JMY: variants seen among roughly 807,000 people sequenced by gnomAD.
The protein encoded by JMY is junction-mediating and -regulatory protein.
A neutral mutation model predicts 103.3 loss-of-function variants in JMY; 46 were observed. The ratio of observed to expected loss-of-function variants is 0.45; its 90% CI spans 0.35 to 0.57. The LOEUF (loss-of-function observed/expected upper bound fraction) is 0.57. JMY is among the 20% of genes least tolerant of loss of function. JMY has a pLI of 0.00. For synonymous variants in JMY, 526 were observed against 489.3 expected, an observed-to-expected ratio of 1.07 and a Z score of -0.99; for missense variants, 1,238 against 1,255.2, an observed-to-expected ratio of 0.99 and a Z score of 0.21.
At chr5:79,271,856 C>T (rs1745793801) in intron 1 of JMY, among the ~76,000 whole-genome samples, 1 of 152,096 alleles carries the variant, frequency 6.6e-6, no homozygotes, top group African/African-American at 2.4e-5. Flanking sequence ...GCCTGTAATC[C>T]TAAGTGCTTT....
At chr5:79,237,790 T>G in intron 1 of JMY, 108 bp downstream of exon 1, 1 of 1,002,088 alleles carries the variant, frequency 1.0e-6, no homozygotes, top group South Asian at 1.7e-5. Context: ...ACGGTTGTTT[T>G]TCTGGACAAG....
In JMY at chr5:79,284,854, A is replaced by T. The variant is rs193056967; in HGVS notation, c.1207-5267A>T. 1.2e-5 allele frequency: 19 copies of T among 1,567,220 alleles called. No homozygotes were observed. The African/African-American group carries it at 2.3e-4, about 19-fold the overall frequency. On this transcript the variant is annotated intron_variant, in intron 2 of 10. Transcript: ENST00000396137. Reference sequence around the variant, plus strand: ...CCAATCTTTCTTAGAAAATGGATCAACCACTTTCTTCTTGGCCCCCTTTTT... The same window carrying T: ...CCAATCTTTCTTAGAAAATGGATCATCCACTTTCTTCTTGGCCCCCTTTTT...
chr5:79,238,835 T>C (rs1030058330), intron 1 of JMY, among the ~76,000 whole-genome samples: 4 of 151,966 alleles, frequency 2.6e-5, no homozygotes, highest in African/African-American at 9.7e-5. Context: ...CGGCTACTTT[T>C]TGTGTTTTTA....
intron 1 of JMY, 147 bp downstream of exon 1, chr5:79,237,829 C>A: frequency 1.5e-6 from 1 of 665,696 alleles, no homozygotes; most frequent in Non-Finnish European, 2.5e-6. Context: ...CCTGATCTAC[C>A]TTGCCCTTCA....
chr5:79,262,119 C>A (rs566580319), intron 1 of JMY, among the ~76,000 whole-genome samples: 4 of 152,136 alleles, frequency 2.6e-5, no homozygotes, highest in Admixed American at 6.6e-5. Flanking sequence ...CTTCTGAAAC[C>A]CTTTGTGGTT....
At chr5:79,239,984 TTTA>T (rs1304487814) in intron 1 of JMY, among the ~76,000 whole-genome samples, 1 of 151,970 alleles carries the variant, frequency 6.6e-6, no homozygotes, top group East Asian at 1.9e-4. Context: ...ACCATAATGA[TTTA>T]TTTTCTTTAA....
In JMY at chr5:79,237,360, A is replaced by T; in HGVS notation, c.710A>T (p.Asp237Val). 1.2e-6 allele frequency: 2 copies of T among 1,612,160 alleles called. No individual in the cohort carries two copies. The highest frequency in any genetic ancestry group is 1.7e-6 in the Non-Finnish European group (2 of 1,179,486). ...CSWAGLFSFQDLRAVHQQLCS... is the reference protein window; with the variant it reads ...CSWAGLFSFQVLRAVHQQLCS... ...TGGGCCGGACTGTTTTCTTTCCAGG[A>T]CCTGCGCGCCGTGCACCAGCAGCTG... The change falls in exon 1 of 11, where the codon GAC becomes GTC. Residue 237 changes from aspartate to valine, a missense_variant. By Grantham distance (152) the Asp-to-Val change is radical. Transcript: ENST00000396137.
chr5:79,307,047 C>T (rs952188180), intron 7 of JMY, among the ~76,000 whole-genome samples: 29 of 152,264 alleles, frequency 1.9e-4, no homozygotes, highest in African/African-American at 6.3e-4. Flanking sequence ...AACATAGTAA[C>T]GTGCATTTAA....
At chr5:79,238,193 C>T (rs1372037846) in intron 1 of JMY, among the ~76,000 whole-genome samples, 1 of 152,138 alleles carries the variant, frequency 6.6e-6, no homozygotes, top group Admixed American at 6.5e-5. Flanking sequence ...TGAAAAAGCA[C>T]CTAGTGACTA....
At chr5:79,318,741 A>AATATATATAT (rs71830021) in intron 10 of JMY, among the ~76,000 whole-genome samples, 14 of 134,814 alleles carry the variant, frequency 1.0e-4, no homozygotes, top group East Asian at 2.2e-4. Context: ...TTTGTAAAGG[A>AATATATATAT]ATATATATAT....
chr5:79,300,115 A>G (rs1246018098), intron 4 of JMY, 38 bp from the exon 5 acceptor site: 1 of 1,595,894 alleles, frequency 6.3e-7, no homozygotes, highest in Admixed American at 1.7e-5. Flanking sequence ...TCTTGTCCCC[A>G]CCAGCTAGAA....
At chr5:79,243,773 A>G (rs1324152143) in intron 1 of JMY, among the ~76,000 whole-genome samples, 2 of 152,184 alleles carry the variant, frequency 1.3e-5, no homozygotes, top group African/African-American at 4.8e-5. Context: ...ATTTTCTTCA[A>G]TCCTGTACCC....
intron 3 of JMY, 102 bp downstream of exon 3, chr5:79,290,373 C>T (rs1227255790): frequency 2.7e-6 from 2 of 737,668 alleles, no homozygotes; most frequent in Non-Finnish European, 3.9e-6. Flanking sequence ...AAAGATCACT[C>T]ATAATCCCAG....
Position 79,236,764 on chromosome 5 carries a change from T to A in JMY, c.114T>A (p.Ile38=), listed in dbSNP as rs1405526934. 11 of 1,511,336 alleles carry A rather than the reference T, an allele frequency of 7.3e-6. No homozygotes were observed. The highest frequency in any genetic ancestry group is 8.9e-6 in the Non-Finnish European group (10 of 1,128,442). The allele number at this position is 1,511,336 out of a possible 1,614,324, so 93.6% of individuals were successfully genotyped here. ...KFVFIVAWNE[I]EGKFAITCHN... ...TCTTTATTGTGGCCTGGAACGAGAT[T>A]GAGGGCAAGTTTGCCATAACCTGCC... Residue 38 remains isoleucine, a synonymous_variant, in exon 1 of 11, where the codon ATT becomes ATA. Transcript: ENST00000396137.
At chr5:79,315,253 T>A (rs570662482) in intron 9 of JMY, among the ~76,000 whole-genome samples, 1 of 152,344 alleles carries the variant, frequency 6.6e-6, no homozygotes, top group African/African-American at 2.4e-5. Flanking sequence ...TGTTCATACA[T>A]TTGTTGAGGA....
At chr5:79,248,347 C>T (rs1010552618) in intron 1 of JMY, among the ~76,000 whole-genome samples, 8 of 151,972 alleles carry the variant, frequency 5.3e-5, no homozygotes, top group Non-Finnish European at 2.9e-5. Flanking sequence ...CCCTCTGTCA[C>T]CCAGGCTGGA....
chr5:79,267,467 T>C lies in JMY; in HGVS notation c.1033-10443T>C, dbSNP rs186882485. Among the ~76,000 whole-genome samples the C allele has an allele frequency of 2.9e-3, 374 of 127,164 alleles. 1 individual carries two copies. The highest frequency in any genetic ancestry group is 0.012 in the African/African-American group (353 of 30,384). The allele number at this position is 127,164 out of a possible 152,430, so 83.4% of individuals were successfully genotyped here. On this transcript the variant is annotated intron_variant, in intron 1 of 10. Coordinates refer to ENST00000396137, the MANE Select transcript of JMY (RefSeq NM_152405.5). ...GTAGTTTGGCATTTCCAGGATGTTA[T>C]GTAGTTGGAATCATATATAGCCTTT...
intron 6 of JMY, among the ~76,000 whole-genome samples, chr5:79,302,265 CAA>C (rs1349029140): frequency 6.6e-6 from 1 of 152,082 alleles, no homozygotes; most frequent in Non-Finnish European, 1.5e-5. Flanking sequence ...TGCAAACCTG[CAA>C]GTTTTTGAAA....
intron 1 of JMY, among the ~76,000 whole-genome samples, chr5:79,251,036 T>C (rs1056426499): frequency 3.9e-5 from 6 of 152,128 alleles, no homozygotes; most frequent in African/African-American, 1.4e-4. Flanking sequence ...TTATATTTCT[T>C]AAGAAGAGTA....
Sources: allele counts gnomAD v4.1 joint callset (sites outside exome capture counted in the v4.1 genomes callset), GRCh38; gene constraint gnomAD v4.1.1; transcripts MANE v1.5; gene names NCBI Gene and HGNC (gene_info 2026-07-23, HGNC 2026-07-21).